Variants in AAK1 observed in about 807,000 individuals in gnomAD.
The protein encoded by AAK1 is AP2 associated kinase 1.
AAK1 carries 37 observed loss-of-function variants against 116.0 expected under a neutral mutation model. The ratio of observed to expected loss-of-function variants is 0.32; its 90% confidence interval spans 0.25 to 0.42. The LOEUF (loss-of-function observed/expected upper bound fraction) is 0.42, where lower values mean the gene tolerates loss of function less well. Ranked by LOEUF, AAK1 falls within the 10% of genes least tolerant of loss-of-function variation. AAK1 has a pLI of 1.00. For synonymous variants in AAK1, 458 were observed against 439.9 expected (o/e 1.04, Z -0.51); for missense variants, 919 against 1,170.6 (o/e 0.79, Z 3.14).
chr2:69,522,461 G>A (rs1669828584), intron 10 of AAK1, among the ~76,000 whole-genome samples: 2 of 152,250 alleles, frequency 1.3e-5, no homozygotes, highest in South Asian at 4.1e-4. Flanking sequence ...GGCAAGGGAT[G>A]TGGGAAGAAA....
At chr2:69,594,888 T>A in intron 2 of AAK1, 1 of 1,546,206 alleles carries the variant, frequency 6.5e-7, no homozygotes, top group Non-Finnish European at 8.8e-7. Flanking sequence ...TTTTAGCCTT[T>A]TTCCAGAAAA....
intron 2 of AAK1, among the ~76,000 whole-genome samples, chr2:69,625,104 C>A (rs1674836764): frequency 6.6e-6 from 1 of 152,218 alleles, no homozygotes; most frequent in Admixed American, 6.5e-5. Context: ...AAAATGGTTT[C>A]TGTGCCAACA....
intron 2 of AAK1, among the ~76,000 whole-genome samples, chr2:69,596,046 C>T (rs1172789655): frequency 6.6e-6 from 1 of 152,156 alleles, no homozygotes; most frequent in African/African-American, 2.4e-5. Context: ...ATAATTTAAG[C>T]CCACTGCAGA....
Position 69,472,376 on chromosome 2 carries a change from T to A in AAK1, c.*3493A>T, listed in dbSNP as rs1674709168. 4 of 226,980 alleles carry A rather than the reference T, an allele frequency of 1.8e-5. No individual in the cohort carries two copies. Among genetic ancestry groups the A allele is most frequent in the Non-Finnish European group, 2.9e-5 (4 of 136,436 alleles). The allele number at this position is 226,980 out of a possible 1,614,324, so 14.1% of individuals were successfully genotyped here. A position where few individuals can be genotyped will look rare whatever the true frequency, so the allele number is the denominator to read the frequency against. On this transcript the variant is annotated 3_prime_UTR_variant, in exon 22 of 22. Transcript: ENST00000409085. Reference sequence around the variant, plus strand: ...TACTAATTAAATAATATAGCTGATTTTCTTATACCTTATTACCTTCCTTGA... The same window carrying A: ...TACTAATTAAATAATATAGCTGATTATCTTATACCTTATTACCTTCCTTGA...
chr2:69,620,603 C>A (rs559374466), intron 2 of AAK1, among the ~76,000 whole-genome samples: 1 of 152,358 alleles, frequency 6.6e-6, no homozygotes, highest in African/African-American at 2.4e-5. Context: ...ACTTTCCAGT[C>A]TTTATCCTAC....
In AAK1 at chr2:69,468,286, C is replaced by G; in HGVS notation, c.*7583G>C. 1.0e-6 allele frequency: 1 copy of G among 985,246 alleles called. No individual in the cohort carries two copies. The highest frequency in any genetic ancestry group is 1.2e-6 in the Non-Finnish European group (1 of 829,850). 61.0% of individuals were successfully genotyped at this position (985,246 alleles called of 1,614,324 possible). A position where few individuals can be genotyped will look rare whatever the true frequency, so the allele number is the denominator to read the frequency against. The stretch of plus-strand genomic sequence containing the variant: ...GCAAGTAAATTGATATTAGATTTGT[C>G]TCAGTGATACCAAGATGATAATTTC... On this transcript the variant is annotated 3_prime_UTR_variant, in exon 22 of 22. Transcript: ENST00000409085.
At chr2:69,566,969 T>C (rs1671896394) in intron 2 of AAK1, among the ~76,000 whole-genome samples, 1 of 152,108 alleles carries the variant, frequency 6.6e-6, no homozygotes, top group South Asian at 2.1e-4. Context: ...AGAAACTTAA[T>C]ATCATTTGAA....
At chr2:69,486,031 T>C (rs924721527) in intron 17 of AAK1, among the ~76,000 whole-genome samples, 3 of 151,932 alleles carry the variant, frequency 2.0e-5, no homozygotes, top group African/African-American at 7.3e-5. Flanking sequence ...CACGGCTCAC[T>C]GCAGCCTCGA....
chr2:69,517,662 G>A (rs754203610), intron 12 of AAK1, among the ~76,000 whole-genome samples: 18 of 151,724 alleles, frequency 1.2e-4, no homozygotes, highest in East Asian at 5.8e-4. Flanking sequence ...CAGTGTACAC[G>A]GAAGACGGTC....
intron 6 of AAK1, 99 bp from the exon 7 acceptor site, chr2:69,530,805 C>T: frequency 2.4e-6 from 2 of 845,852 alleles, no homozygotes; most frequent in Non-Finnish European, 3.8e-6. Context: ...TTAACAGAAT[C>T]CCTGGGAGCA....
At chr2:69,642,730 C>A (rs561597219) in intron 2 of AAK1, 148 bp downstream of exon 2, 72 of 1,188,242 alleles carry the variant, frequency 6.1e-5, no homozygotes, top group Non-Finnish European at 8.4e-5. Context: ...AATTTTAAAT[C>A]TCTCAAGGAC....
chr2:69,622,437 G>A (rs998334983), intron 2 of AAK1, among the ~76,000 whole-genome samples: 5 of 152,276 alleles, frequency 3.3e-5, no homozygotes, highest in East Asian at 1.9e-4. Flanking sequence ...TGCACGGCAC[G>A]GGACCGGCAA....
At chr2:69,539,190 C>T (rs969069577) in intron 5 of AAK1, among the ~76,000 whole-genome samples, 2 of 152,200 alleles carry the variant, frequency 1.3e-5, no homozygotes, top group Non-Finnish European at 2.9e-5. Flanking sequence ...GGGGAGAAGA[C>T]ACCATCATAG....
intron 12 of AAK1, among the ~76,000 whole-genome samples, chr2:69,518,228 C>CAATCTGTT (rs1676663206): frequency 6.6e-6 from 1 of 152,028 alleles, no homozygotes. Flanking sequence ...CAACTAAATA[C>CAATCTGTT]AATCTGTTAG....
chr2:69,529,820 G>T (rs1459458807), intron 8 of AAK1, among the ~76,000 whole-genome samples, 188 bp downstream of exon 8: 1 of 152,084 alleles, frequency 6.6e-6, no homozygotes, highest in East Asian at 1.9e-4. Context: ...CAGAACTTCA[G>T]ATTTCTAGCA....
At chr2:69,496,119 A>G in intron 16 of AAK1, 39 bp from the exon 17 acceptor site, 1 of 1,440,780 alleles carries the variant, frequency 6.9e-7, no homozygotes, top group South Asian at 1.2e-5. Flanking sequence ...GTCAGGAGAG[A>G]AAAAAAGAGA....
intron 3 of AAK1, among the ~76,000 whole-genome samples, chr2:69,548,807 C>G (rs533074435): frequency 6.6e-6 from 1 of 152,132 alleles, no homozygotes; most frequent in Admixed American, 6.5e-5. Context: ...GTTTCACCAT[C>G]TTGGCCAGGA....
At chr2:69,620,467 T>C (rs1674555880) in intron 2 of AAK1, among the ~76,000 whole-genome samples, 1 of 152,162 alleles carries the variant, frequency 6.6e-6, no homozygotes, top group African/African-American at 2.4e-5. Context: ...TGAACATTTC[T>C]CAAAGAAATA....
chr2:69,612,156 A>T (rs148027293), intron 2 of AAK1, among the ~76,000 whole-genome samples: 7 of 152,372 alleles, frequency 4.6e-5, no homozygotes, highest in Non-Finnish European at 8.8e-5. Flanking sequence ...AAAAAAAGTT[A>T]TCCAACTGGG....
Sources: gnomAD v4.1 joint callset for allele counts (sites outside exome capture counted in the v4.1 genomes callset) on GRCh38, gnomAD v4.1.1 for gene constraint, MANE v1.5 for transcripts, NCBI Gene and HGNC (gene_info 2026-07-23, HGNC 2026-07-21) for gene names.